Variants in FHDC1 observed in about 807,000 individuals in gnomAD.
FHDC1 encodes the protein FH2 domain-containing protein 1.
Under a neutral mutation model 52.6 loss-of-function variants are expected in FHDC1, and 25 were observed. That is an observed-to-expected ratio of 0.48 (90% confidence interval 0.35 to 0.66). The LOEUF is 0.66. Among genes scored for constraint, FHDC1 ranks in the 30% least tolerant of loss-of-function variants. The pLI, the probability that FHDC1 is intolerant of heterozygous loss-of-function variation, is 0.01. For missense variants in FHDC1, 1,459 were observed against 1,452.8 expected, an observed-to-expected ratio of 1.00 and a Z score of -0.07; for synonymous variants, 616 against 581.5, an observed-to-expected ratio of 1.06 and a Z score of -0.85.
the FHDC1 span, among the ~76,000 whole-genome samples, chr4:152,915,394 C>T: frequency 3.9e-5 from 6 of 152,188 alleles, no homozygotes; most frequent in African/African-American, 1.4e-4. Flanking sequence ...GGATTACAGG[C>T]GTGAGCCACT....
At chr4:152,931,027 ATAT>A in the FHDC1 span, among the ~76,000 whole-genome samples, 1 of 141,626 alleles carries the variant, frequency 7.1e-6, no homozygotes, top group Non-Finnish European at 1.5e-5. Flanking sequence ...TCTCTCTCTA[ATAT>A]TGTTGATTGA....
intron 8 of FHDC1, among the ~76,000 whole-genome samples, 176 bp downstream of exon 8, chr4:152,963,306 G>A (rs192918026): frequency 8.8e-4 from 134 of 152,308 alleles, no homozygotes; most frequent in South Asian, 5.2e-3. Context: ...CTGCACCCAG[G>A]GCTATAGGGC....
At position 152,975,509 on chromosome 4, in the gene FHDC1, G is replaced by A. The variant is rs546323606; in HGVS notation, c.2218G>A (p.Glu740Lys). The part of the protein sequence containing the change: ...DALGSLSPAL[E>K]DGKAAPDEPG... ...CCTGGGGAGTCTCAGCCCAGCGCTG[G>A]AGGATGGCAAGGCTGCCCCCGATGA... Residue 740 changes from glutamate to lysine, a missense_variant, in exon 12 of 12, where the codon GAG becomes AAG. Transcript: ENST00000511601. 3.4e-5 allele frequency: 55 copies of A among 1,613,534 alleles called. No homozygotes were observed. The highest frequency in any genetic ancestry group is 3.3e-4 in the Middle Eastern group (2 of 6,062).
rs757103772 is a variant in FHDC1 at position 152,943,297 on chromosome 4, C to T, written c.240C>T (p.Pro80=). Residue 80 remains proline, a synonymous_variant, in exon 2 of 12, where the codon CCC becomes CCT. Coordinates refer to ENST00000511601, the MANE Select transcript of FHDC1 (RefSeq NM_001371116.1). ...PPIPPPPPGL[P]PTTHMNGYSH... ...TCCCACCTCCCCCACCAGGCCTACC[C>T]CCAACTACTCACATGAACGGCTACA... 1.9e-6 allele frequency: 3 copies of T among 1,612,680 alleles called. No individual in the cohort carries two copies. Among genetic ancestry groups the T allele is most frequent in the Middle Eastern group, 1.7e-4 (1 of 6,002 alleles).
intron 1 of FHDC1, among the ~76,000 whole-genome samples, chr4:152,939,520 G>A (rs1171461704): frequency 1.3e-5 from 2 of 152,128 alleles, no homozygotes; most frequent in Non-Finnish European, 2.9e-5. Flanking sequence ...GGGGGCCAGG[G>A]GCAGCTTTGA....
the FHDC1 span, among the ~76,000 whole-genome samples, chr4:152,926,012 C>G: frequency 1.3e-5 from 2 of 151,928 alleles, no homozygotes; most frequent in Non-Finnish European, 2.9e-5. Flanking sequence ...TAAGGAAAAA[C>G]AGAGGTTTCT....
At chr4:152,964,251 A>G (rs550295645) in intron 8 of FHDC1, among the ~76,000 whole-genome samples, 1 of 152,306 alleles carries the variant, frequency 6.6e-6, no homozygotes, top group Non-Finnish European at 1.5e-5. Context: ...TATATTCTTC[A>G]GAAGACAAAG....
chr4:152,923,381 A>G, the FHDC1 span, among the ~76,000 whole-genome samples: 1 of 152,208 alleles, frequency 6.6e-6, no homozygotes, highest in East Asian at 1.9e-4. Flanking sequence ...ATGGAAGAAC[A>G]TTCCATGCTC....
chr4:152,922,778 G>A, the FHDC1 span, among the ~76,000 whole-genome samples: 11 of 152,032 alleles, frequency 7.2e-5, no homozygotes, highest in Non-Finnish European at 1.6e-4. Context: ...CTCAATAGAT[G>A]CAGAAAAGAC....
chr4:152,954,349 G>T (rs904842114), intron 4 of FHDC1, 30 bp downstream of exon 4: 2 of 1,555,898 alleles, frequency 1.3e-6, no homozygotes, highest in African/African-American at 2.7e-5. Context: ...AGTTGTAGAT[G>T]TTAGGAGTGA....
At chr4:152,927,954 G>T in the FHDC1 span, 2 of 1,470,530 alleles carry the variant, frequency 1.4e-6, no homozygotes, top group Non-Finnish European at 1.9e-6. Context: ...AGTGTGAAAA[G>T]ACTGAAACCG....
At chr4:152,911,737 T>C in the FHDC1 span, 1 of 152,622 alleles carries the variant, frequency 6.6e-6, no homozygotes, top group Non-Finnish European at 1.5e-5. Context: ...TAATACAATG[T>C]AATGTGATTG....
chr4:152,946,438 A>G (rs1048573475), intron 2 of FHDC1, among the ~76,000 whole-genome samples: 1 of 152,214 alleles, frequency 6.6e-6, no homozygotes. Flanking sequence ...GGAGTATTAT[A>G]TATACTTTTT....
chr4:152,915,742 A>T, the FHDC1 span, among the ~76,000 whole-genome samples: 1 of 152,210 alleles, frequency 6.6e-6, no homozygotes, highest in African/African-American at 2.4e-5. Flanking sequence ...TGGCCAATGG[A>T]TGCTAATATC....
At chr4:152,914,298 T>TG in the FHDC1 span, among the ~76,000 whole-genome samples, 3 of 152,192 alleles carry the variant, frequency 2.0e-5, no homozygotes, top group African/African-American at 7.2e-5. Context: ...GCCTTTATAA[T>TG]AAATTGCCAA....
At chr4:152,958,046 T>TCCCAGAG (rs1470086702) in intron 4 of FHDC1, among the ~76,000 whole-genome samples, 14 of 152,190 alleles carry the variant, frequency 9.2e-5, no homozygotes, top group Admixed American at 9.2e-4. Flanking sequence ...CTTTCCCACC[T>TCCCAGAG]TCTTGGTTGA....
chr4:152,941,077 C>T (rs1177938693), intron 1 of FHDC1, among the ~76,000 whole-genome samples: 1 of 152,208 alleles, frequency 6.6e-6, no homozygotes, highest in Non-Finnish European at 1.5e-5. Flanking sequence ...CACTAAATTG[C>T]ACACTTAAAA....
intron 1 of FHDC1, 47 bp from the exon 2 acceptor site, chr4:152,942,881 G>A (rs1377268453): frequency 1.1e-5 from 7 of 655,020 alleles, no homozygotes; most frequent in African/African-American, 3.7e-5. Context: ...ATGCTGATGC[G>A]AAACTGTTTG....
intron 3 of FHDC1, 120 bp downstream of exon 3, chr4:152,953,680 G>A: frequency 2.5e-6 from 2 of 814,510 alleles, no homozygotes; most frequent in Non-Finnish European, 4.0e-6. Flanking sequence ...TTAGACGCAT[G>A]GCTTGATGAG....
Sources: gnomAD v4.1 joint callset for allele counts (sites outside exome capture counted in the v4.1 genomes callset) on GRCh38, gnomAD v4.1.1 for gene constraint, MANE v1.5 for transcripts, NCBI Gene and HGNC (gene_info 2026-07-23, HGNC 2026-07-21) for gene names.